Variants in KCNMB2 observed in about 807,000 individuals in gnomAD.
The protein encoded by KCNMB2 is potassium calcium-activated channel subfamily M regulatory beta subunit 2, also known as calcium-activated potassium channel subunit beta-2.
A neutral mutation model predicts 24.5 loss-of-function variants in KCNMB2; 9 were observed. The observed-to-expected ratio is 0.37, with a 90% CI of 0.22 to 0.64. The LOEUF (loss-of-function observed/expected upper bound fraction) is 0.64. Among genes scored for constraint, KCNMB2 ranks in the 30% least tolerant of loss-of-function variants. The pLI is 0.63. For synonymous variants in KCNMB2, 109 were observed against 104.4 expected (o/e 1.04, Z -0.27); for missense variants, 226 against 284.3 (o/e 0.79, Z 1.47).
intron 1 of KCNMB2, among the ~76,000 whole-genome samples, chr3:178,779,830 G>T (rs1437437644): frequency 6.6e-6 from 1 of 151,938 alleles, no homozygotes; most frequent in East Asian, 1.9e-4. Flanking sequence ...ATTATGAGTT[G>T]CAAAATGATG....
At chr3:178,550,266 T>C (rs1001367367) in intron 1 of KCNMB2, among the ~76,000 whole-genome samples, 3 of 150,032 alleles carry the variant, frequency 2.0e-5, no homozygotes, top group African/African-American at 7.4e-5. Flanking sequence ...CTGGCTAACA[T>C]GGTGAAACCC....
At chr3:178,621,733 T>C (rs1339245995) in intron 1 of KCNMB2, among the ~76,000 whole-genome samples, 1 of 146,704 alleles carries the variant, frequency 6.8e-6, no homozygotes, top group East Asian at 1.9e-4. Context: ...TTATCCAAAA[T>C]AAAAAATAAA....
rs1283575680 is a variant in KCNMB2 at position 178,757,763 on chromosome 3, T to C, written c.-67-49580T>C. On this transcript the variant is annotated intron_variant, in intron 1 of 4. Coordinates refer to ENST00000452583, the MANE Select transcript of KCNMB2 (RefSeq NM_181361.3). ...ATATATATATATAAGAGGATATATA[T>C]ATATATCCAAGAGGATATATATACA... 1.0e-4 allele frequency among the ~76,000 whole-genome samples: 12 copies of C among 117,130 alleles called. 2 individuals are homozygous for C. The highest frequency in any genetic ancestry group is 2.8e-4 in the Admixed American group (3 of 10,558). 76.8% of individuals were successfully genotyped at this position (117,130 alleles called of 152,430 possible).
rs1466949278 is a variant in KCNMB2 at position 178,832,930 on chromosome 3, T to C, written c.423+4557T>C. ...TGTTCTGTTTTTGTTTTCTCTTGTT[T>C]GCTTTCATGTTGTCTTATAATATCT... On this transcript the variant is annotated intron_variant, in intron 4 of 4. Coordinates refer to ENST00000452583, the MANE Select transcript of KCNMB2 (RefSeq NM_181361.3). Among the ~76,000 whole-genome samples the C allele has an allele frequency of 2.5e-5, 2 of 81,486 alleles. 1 individual carries two copies. The highest frequency in any genetic ancestry group is 4.6e-5 in the Non-Finnish European group (2 of 43,816). The allele number at this position is 81,486 out of a possible 152,430, so 53.5% of individuals were successfully genotyped here.
intron 2 of KCNMB2, among the ~76,000 whole-genome samples, chr3:178,824,878 C>T (rs1714774580): frequency 6.6e-6 from 1 of 152,058 alleles, no homozygotes; most frequent in African/African-American, 2.4e-5. Context: ...TCTTTCTTAC[C>T]CTACATTGCT....
At chr3:178,700,253 C>T (rs1030125401) in intron 1 of KCNMB2, among the ~76,000 whole-genome samples, 1 of 152,172 alleles carries the variant, frequency 6.6e-6, no homozygotes, top group Non-Finnish European at 1.5e-5. Context: ...TAAAAAAATA[C>T]CAGATCTTCT....
At chr3:178,799,765 G>A (rs1055126856) in intron 1 of KCNMB2, among the ~76,000 whole-genome samples, 1 of 152,042 alleles carries the variant, frequency 6.6e-6, no homozygotes, top group Non-Finnish European at 1.5e-5. Context: ...CATATTATCT[G>A]ACATCAAATT....
chr3:178,691,605 G>A (rs1187520637), intron 1 of KCNMB2, among the ~76,000 whole-genome samples: 1 of 152,148 alleles, frequency 6.6e-6, no homozygotes, highest in African/African-American at 2.4e-5. Context: ...TTTTATGGCT[G>A]CATAGTATTC....
chr3:178,787,488 C>T (rs1713154633), intron 1 of KCNMB2, among the ~76,000 whole-genome samples: 1 of 152,126 alleles, frequency 6.6e-6, no homozygotes, highest in African/African-American at 2.4e-5. Flanking sequence ...CTGTTATTAT[C>T]ACGCTAATTT....
intron 1 of KCNMB2, among the ~76,000 whole-genome samples, chr3:178,747,796 T>C (rs766467671): frequency 1.3e-5 from 2 of 152,236 alleles, no homozygotes; most frequent in Non-Finnish European, 2.9e-5. Context: ...TTTCACTCTG[T>C]TTCCTATTTC....
Position 178,664,810 on chromosome 3 carries a change from G to C in KCNMB2, c.-68+128099G>C, listed in dbSNP as rs180697045. 1.3e-3 allele frequency among the ~76,000 whole-genome samples: 203 copies of C among 152,216 alleles called. 1 individual carries two copies. The highest frequency in any genetic ancestry group is 2.0e-3 in the Non-Finnish European group (133 of 67,978). ...TAAAGAAAATAAAAAAGTAGCATTA[G>C]ATGAAGTTCTATTGACATAATTATA... On this transcript the variant is annotated intron_variant, in intron 1 of 4. Coordinates refer to ENST00000452583, the MANE Select transcript of KCNMB2 (RefSeq NM_181361.3).
At chr3:178,611,575 G>C (rs1040717824) in intron 1 of KCNMB2, among the ~76,000 whole-genome samples, 2 of 152,030 alleles carry the variant, frequency 1.3e-5, no homozygotes, top group East Asian at 3.9e-4. Context: ...CGTGGTGGCA[G>C]GTGCCTGTAG....
intron 1 of KCNMB2, among the ~76,000 whole-genome samples, chr3:178,575,522 G>A (rs560987847): frequency 6.6e-5 from 10 of 152,230 alleles, no homozygotes; most frequent in African/African-American, 1.9e-4. Context: ...CAGAACTGAC[G>A]GTAATTTTGC....
chr3:178,680,000 T>A (rs1303713117), intron 1 of KCNMB2, among the ~76,000 whole-genome samples: 1 of 151,744 alleles, frequency 6.6e-6, no homozygotes, highest in Admixed American at 6.6e-5. Context: ...CAGCATAGAG[T>A]CTGACCTTGG....
chr3:178,569,588 G>A (rs1716696725), intron 1 of KCNMB2, among the ~76,000 whole-genome samples: 1 of 152,160 alleles, frequency 6.6e-6, no homozygotes, highest in South Asian at 2.1e-4. Context: ...CCGCCGGACT[G>A]CCTCAGGATT....
At chr3:178,543,250 C>T (rs575073963) in intron 1 of KCNMB2, among the ~76,000 whole-genome samples, 27 of 152,278 alleles carry the variant, frequency 1.8e-4, no homozygotes, top group Admixed American at 6.5e-4. Context: ...ATGAAAGAAG[C>T]AATTCTGGAA....
chr3:178,633,689 C>T (rs1719411375), intron 1 of KCNMB2, among the ~76,000 whole-genome samples: 1 of 152,304 alleles, frequency 6.6e-6, no homozygotes, highest in African/African-American at 2.4e-5. Flanking sequence ...TCTGACATGC[C>T]CTGGAGACAT....
intron 1 of KCNMB2, among the ~76,000 whole-genome samples, chr3:178,758,660 C>A (rs183938290): frequency 0.21 from 1,544 of 7,436 alleles, 52 homozygotes; most frequent in Middle Eastern, 0.4. Context: ...ATATATATAT[C>A]TCTCTCCAAG....
At chr3:178,574,499 T>G (rs944292506) in intron 1 of KCNMB2, among the ~76,000 whole-genome samples, 3 of 152,240 alleles carry the variant, frequency 2.0e-5, no homozygotes, top group African/African-American at 7.2e-5. Context: ...ACAGCCACCA[T>G]GTAATGTTGA....
Sources: gnomAD v4.1 joint callset for allele counts (sites outside exome capture counted in the v4.1 genomes callset) on GRCh38, gnomAD v4.1.1 for gene constraint, MANE v1.5 for transcripts, NCBI Gene and HGNC (gene_info 2026-07-23, HGNC 2026-07-21) for gene names.